The following TRAPPC9 variants were observed in gnomAD, a reference collection of about 807,000 sequenced individuals.
TRAPPC9 encodes IKK2 binding protein.
A neutral mutation model predicts 124.0 loss-of-function variants in TRAPPC9; 83 were observed. The ratio of observed to expected loss-of-function variants is 0.67; its 90% confidence interval spans 0.56 to 0.80. The LOEUF (loss-of-function observed/expected upper bound fraction) is 0.80, where lower values mean the gene tolerates loss of function less well. Ranked by LOEUF, TRAPPC9 falls within the 30% of genes least tolerant of loss-of-function variation. TRAPPC9 has a pLI of 0.00. For synonymous variants in TRAPPC9, 638 were observed against 617.5 expected (o/e 1.03, Z -0.49); for missense variants, 1,302 against 1,508.3 (o/e 0.86, Z 2.27).
chr8:140,452,120 C>CAA (rs534391613), intron 1 of TRAPPC9, among the ~76,000 whole-genome samples: 17 of 83,900 alleles, frequency 2.0e-4, no homozygotes, highest in Admixed American at 2.7e-4. Flanking sequence ...GACTCCGTCT[C>CAA]AAAAAAAAAA....
At chr8:140,005,578 C>T (rs1486429746) in intron 18 of TRAPPC9, among the ~76,000 whole-genome samples, 3 of 152,052 alleles carry the variant, frequency 2.0e-5, no homozygotes, top group Non-Finnish European at 4.4e-5. Flanking sequence ...TCAATCAGCA[C>T]GGCTTATTGG....
intron 21 of TRAPPC9, among the ~76,000 whole-genome samples, chr8:139,762,565 G>C (rs1033056821): frequency 3.3e-5 from 5 of 152,176 alleles, no homozygotes; most frequent in African/African-American, 9.7e-5. Flanking sequence ...AAGTATTTGT[G>C]TATTACCCAA....
intron 17 of TRAPPC9, among the ~76,000 whole-genome samples, chr8:140,083,678 G>GT (rs140420228): frequency 6.6e-6 from 1 of 151,522 alleles, no homozygotes; most frequent in African/African-American, 2.4e-5. Context: ...TTTTGTTTTT[G>GT]TTTTTTGAGA....
At chr8:139,853,399 T>A (rs1827614135) in intron 21 of TRAPPC9, among the ~76,000 whole-genome samples, 2 of 152,152 alleles carry the variant, frequency 1.3e-5, no homozygotes, top group South Asian at 4.1e-4. Context: ...CCATGGTACC[T>A]ATGACTCCCC....
At chr8:140,381,663 G>T (rs13276443) in intron 7 of TRAPPC9, among the ~76,000 whole-genome samples, 47,163 of 105,864 alleles carry the variant, frequency 0.45, 9,245 homozygotes, top group East Asian at 0.58. Context: ...GTGAGACTCT[G>T]TCTCAAAAAA....
At chr8:139,775,911 A>G (rs1194576998) in intron 21 of TRAPPC9, among the ~76,000 whole-genome samples, 1 of 151,192 alleles carries the variant, frequency 6.6e-6, no homozygotes, top group Non-Finnish European at 1.5e-5. Flanking sequence ...ATGAGAGTCA[A>G]CTCCGCCTTC....
At chr8:140,199,405 C>G (rs2062738034) in intron 17 of TRAPPC9, among the ~76,000 whole-genome samples, 1 of 152,136 alleles carries the variant, frequency 6.6e-6, no homozygotes, top group African/African-American at 2.4e-5. Context: ...TGCATATTAA[C>G]CAACGTCACT....
At chr8:139,822,043 C>T (rs1178111023) in intron 21 of TRAPPC9, among the ~76,000 whole-genome samples, 1 of 152,180 alleles carries the variant, frequency 6.6e-6, no homozygotes, top group Non-Finnish European at 1.5e-5. Context: ...CCCTTTCAGT[C>T]GTGATGGCTT....
intron 10 of TRAPPC9, among the ~76,000 whole-genome samples, chr8:140,307,906 G>A (rs558069665): frequency 8.0e-4 from 121 of 152,168 alleles, no homozygotes; most frequent in Admixed American, 1.7e-3. Flanking sequence ...ACCTGTTTCC[G>A]GCTTCTTAAT....
At chr8:139,909,466 G>C (rs188467127) in intron 20 of TRAPPC9, among the ~76,000 whole-genome samples, 1 of 150,974 alleles carries the variant, frequency 6.6e-6, no homozygotes, top group African/African-American at 2.5e-5. Flanking sequence ...CTTCATACTA[G>C]ACAAACAACT....
chr8:140,409,670 G>A (rs1261184276), intron 5 of TRAPPC9, among the ~76,000 whole-genome samples: 4 of 152,062 alleles, frequency 2.6e-5, no homozygotes, highest in African/African-American at 9.6e-5. Context: ...CTGATCTCCA[G>A]GATACATTAG....
At chr8:140,231,660 ATT>A (rs71520265) in intron 16 of TRAPPC9, among the ~76,000 whole-genome samples, 2,671 of 127,876 alleles carry the variant, frequency 0.021, 37 homozygotes, top group African/African-American at 0.031. Flanking sequence ...CACACAGCTA[ATT>A]TTTTTTTTTT....
At position 140,087,093 on chromosome 8, in the gene TRAPPC9, T is replaced by G. The variant is rs151323740; in HGVS notation, c.2557-63014A>C. ...CATCCTCCTACTCCTCTGAAATGACTCTTTCCAATCTCAAAGCCAGTGGTC... is the reference window on the plus strand; with the variant it reads ...CATCCTCCTACTCCTCTGAAATGACGCTTTCCAATCTCAAAGCCAGTGGTC... On this transcript the variant is annotated intron_variant, in intron 17 of 22. Transcript: ENST00000438773. This position sits in a 1 kb window ranked among gnomAD's most constrained non-coding sequence, Gnocchi z 4.6. Among the ~76,000 whole-genome samples the G allele has an allele frequency of 4.1e-3, 627 of 152,202 alleles. 4 individuals are homozygous for G. The highest frequency in any genetic ancestry group is 0.012 in the Admixed American group (187 of 15,288).
chr8:139,793,321 C>T (rs950450396), intron 21 of TRAPPC9, among the ~76,000 whole-genome samples: 1 of 152,214 alleles, frequency 6.6e-6, no homozygotes, highest in African/African-American at 2.4e-5. Flanking sequence ...CCCACTCCAG[C>T]TCATGGGTGT....
At chr8:140,387,422 T>C (rs541539055) in intron 7 of TRAPPC9, among the ~76,000 whole-genome samples, 1 of 152,212 alleles carries the variant, frequency 6.6e-6, no homozygotes, top group African/African-American at 2.4e-5. Context: ...GAAACTACCA[T>C]CAGAGTGAAC....
chr8:139,942,672 T>C (rs1833986226), intron 19 of TRAPPC9, among the ~76,000 whole-genome samples: 1 of 152,078 alleles, frequency 6.6e-6, no homozygotes, highest in Non-Finnish European at 1.5e-5. Flanking sequence ...CTGAAGGCAC[T>C]GGCAGGAAAA....
At chr8:139,779,185 CAG>C (rs1271908147) in intron 21 of TRAPPC9, among the ~76,000 whole-genome samples, 2 of 152,056 alleles carry the variant, frequency 1.3e-5, no homozygotes, top group Admixed American at 6.5e-5. Flanking sequence ...AGAGAAGTGA[CAG>C]GGGACAACAT....
At chr8:140,455,675 C>G (rs988549909) in intron 1 of TRAPPC9, among the ~76,000 whole-genome samples, 1 of 150,758 alleles carries the variant, frequency 6.6e-6, no homozygotes, top group Non-Finnish European at 1.5e-5. Flanking sequence ...GTGATCTGCC[C>G]GCCTCGGCCT....
At chr8:139,832,810 C>T (rs1035357054) in intron 21 of TRAPPC9, among the ~76,000 whole-genome samples, 74 of 152,266 alleles carry the variant, frequency 4.9e-4, no homozygotes, top group African/African-American at 1.6e-3. Flanking sequence ...CGGAGACCCT[C>T]GCCCTTGGAT....
Sources: allele counts gnomAD v4.1 joint callset (sites outside exome capture counted in the v4.1 genomes callset), GRCh38; gene constraint gnomAD v4.1.1; non-coding constraint Gnocchi (gnomAD v3.1); transcripts MANE v1.5; gene names NCBI Gene and HGNC (gene_info 2026-07-23, HGNC 2026-07-21).